The following KLHL28 variants were observed in gnomAD, a reference collection of about 807,000 sequenced individuals.
KLHL28 encodes kelch-like protein 28.
A neutral mutation model predicts 48.3 loss-of-function variants in KLHL28; 22 were observed. That is an observed-to-expected ratio of 0.46 (90% CI 0.33 to 0.65). The LOEUF is 0.65. Ranked by LOEUF, KLHL28 falls within the 30% of genes least tolerant of loss-of-function variation. KLHL28 has a pLI of 0.03. For missense variants in KLHL28, 527 were observed against 704.3 expected, an observed-to-expected ratio of 0.75 and a Z score of 2.85; for synonymous variants, 243 against 242.4, an observed-to-expected ratio of 1.00 and a Z score of -0.02.
intron 2 of KLHL28, among the ~76,000 whole-genome samples, chr14:44,936,034 CTATT>C (rs556792002): frequency 1.9e-4 from 28 of 151,114 alleles, no homozygotes; most frequent in South Asian, 2.1e-4. Flanking sequence ...TACAGAATTC[CTATT>C]TAAAGTCAGT....
At position 44,925,878 on chromosome 14, in the gene KLHL28, ATTAAG is replaced by A. The variant is rs1332699879; in HGVS notation, c.*3145_*3149del. On this transcript the variant is annotated 3_prime_UTR_variant, in exon 5 of 5. Transcript: ENST00000396128. ...TTGAATAGCCAAAGGTGCCTAACAGATTAAGTTGTTATAATTATAGAAGGCAAGTA... is the reference window on the plus strand; with the variant it reads ...TTGAATAGCCAAAGGTGCCTAACAGATTGTTATAATTATAGAAGGCAAGTA... The A allele has an allele frequency of 6.6e-6, 1 of 152,216 alleles. No individual in the cohort carries two copies. The highest frequency in any genetic ancestry group is 1.5e-5 in the Non-Finnish European group (1 of 68,012). The allele number at this position is 152,216 out of a possible 1,614,324, so 9.4% of individuals were successfully genotyped here. A position where few individuals can be genotyped will look rare whatever the true frequency, so the allele number is the denominator to read the frequency against.
chr14:44,954,980 G>T (rs549388938), intron 1 of KLHL28, among the ~76,000 whole-genome samples: 1 of 151,986 alleles, frequency 6.6e-6, no homozygotes, highest in Admixed American at 6.6e-5. Context: ...TTCAGTAATC[G>T]CATTGTTGAT....
At chr14:44,931,731 T>C (rs1883597235) in intron 3 of KLHL28, among the ~76,000 whole-genome samples, 190 bp from the exon 4 acceptor site, 1 of 152,198 alleles carries the variant, frequency 6.6e-6, no homozygotes, top group Admixed American at 6.5e-5. Context: ...GTAAACAAGG[T>C]GCAATTCCAT....
chr14:44,929,703 G>A (rs1883503244), intron 4 of KLHL28, among the ~76,000 whole-genome samples: 1 of 152,166 alleles, frequency 6.6e-6, no homozygotes, highest in African/African-American at 2.4e-5. Context: ...TATAATAAAA[G>A]TAAGAGTTAC....
chr14:44,936,015 C>T (rs1280998274), intron 2 of KLHL28, among the ~76,000 whole-genome samples: 1 of 150,666 alleles, frequency 6.6e-6, no homozygotes, highest in Non-Finnish European at 1.5e-5. Flanking sequence ...TATTCATTCA[C>T]TCAATAGTTA....
chr14:44,928,616 A>G lies in KLHL28; in HGVS notation c.*412T>C, dbSNP rs1360014289. 1 of 152,954 alleles carries G rather than the reference A, an allele frequency of 6.5e-6. No homozygotes were observed. Among genetic ancestry groups the G allele is most frequent in the Non-Finnish European group, 1.5e-5 (1 of 68,754 alleles). The allele number at this position is 152,954 out of a possible 1,614,324, so 9.5% of individuals were successfully genotyped here. A position where few individuals can be genotyped will look rare whatever the true frequency, so the allele number is the denominator to read the frequency against. ...TATCAGCACTCTGTCCATTCATTCA[A>G]TACACTCCAGCACCTAAAGCATCGC... On this transcript the variant is annotated 3_prime_UTR_variant, in exon 5 of 5. Transcript: ENST00000396128.
At chr14:44,955,127 C>T (rs1884738631) in intron 1 of KLHL28, among the ~76,000 whole-genome samples, 2 of 151,382 alleles carry the variant, frequency 1.3e-5, no homozygotes, top group African/African-American at 2.4e-5. Context: ...AAGAAGGTAA[C>T]GACATAACAC....
In KLHL28 at chr14:44,945,093, C is replaced by A; in HGVS notation, c.836G>T (p.Arg279Leu). 1 of 1,614,026 alleles carries A rather than the reference C, an allele frequency of 6.2e-7. No individual in the cohort carries two copies. Among genetic ancestry groups the A allele is most frequent in the Non-Finnish European group, 8.5e-7 (1 of 1,179,930 alleles). The change falls in exon 2 of 5, where the codon CGC (arginine) becomes CTC (leucine). Residue 279 changes from arginine (R) to leucine (L), a missense_variant. Coordinates refer to ENST00000396128, the MANE Select transcript of KLHL28 (RefSeq NM_017658.5). ...SHQTVLMTRP[R>L]CAPKVLCAVG... ...TGCACAAAGTACTTTGGGAGCACAG[C>A]GAGGTCGTGTCATCAAGACTGTCTG...
At position 44,934,654 on chromosome 14, in the gene KLHL28, T is replaced by C. The variant is rs73334123; in HGVS notation, c.900-96A>G. 9.2e-4 allele frequency: 849 copies of C among 921,714 alleles called. 7 individuals carry two copies. In the African/African-American group the frequency reaches 9.7e-3, roughly 10 times the overall value. The allele number at this position is 921,714 out of a possible 1,614,324, so 57.1% of individuals were successfully genotyped here. A position where few individuals can be genotyped will look rare whatever the true frequency, so the allele number is the denominator to read the frequency against. ...TTATTAGTAATCAGGGACACAAAAA[T>C]TAAAAGCACAATAAACCATGACACA... On this transcript the variant is annotated intron_variant, in intron 2 of 4. Coordinates refer to ENST00000396128, the MANE Select transcript of KLHL28 (RefSeq NM_017658.5).
rs1308472548 is a variant in KLHL28 at position 44,941,500 on chromosome 14, A to C, written c.899+3530T>G. On this transcript the variant is annotated intron_variant, in intron 2 of 4. Transcript: ENST00000396128. ...AAAATTAGCTGGGCGTGGTGGTGCA[A>C]GCCTGTAATCCCAGCTACTCGGGAG... Among the ~76,000 whole-genome samples, 4 of 151,318 alleles carry C rather than the reference A, an allele frequency of 2.6e-5. No homozygotes were observed. In the East Asian group the frequency reaches 7.9e-4, roughly 30 times the overall value.
intron 1 of KLHL28, among the ~76,000 whole-genome samples, chr14:44,953,289 C>A (rs1166959719): frequency 6.6e-6 from 1 of 152,092 alleles, no homozygotes. Context: ...CCTACACCAA[C>A]AGGATAAATT....
chr14:44,950,866 T>G (rs1055180780), intron 1 of KLHL28, among the ~76,000 whole-genome samples: 10 of 152,150 alleles, frequency 6.6e-5, no homozygotes, highest in Non-Finnish European at 1.3e-4. Context: ...TGCCTTTCCA[T>G]GCATACCAAA....
chr14:44,952,010 C>A (rs1435188890), intron 1 of KLHL28, among the ~76,000 whole-genome samples: 2 of 152,104 alleles, frequency 1.3e-5, no homozygotes, highest in African/African-American at 4.8e-5. Context: ...AGGCACACAT[C>A]ACCACGCCCG....
intron 1 of KLHL28, among the ~76,000 whole-genome samples, chr14:44,947,124 G>A (rs1006708726): frequency 6.6e-6 from 1 of 152,156 alleles, no homozygotes; most frequent in African/African-American, 2.4e-5. Context: ...CAAGATCCTG[G>A]ATTATCCAAG....
chr14:44,937,663 TATAAC>T (rs1883882955), intron 2 of KLHL28, among the ~76,000 whole-genome samples: 1 of 152,198 alleles, frequency 6.6e-6, no homozygotes. Flanking sequence ...TTTCTGCCGA[TATAAC>T]AGAATACTAC....
At chr14:44,929,264 T>C in intron 4 of KLHL28, 73 bp from the exon 5 acceptor site, 1 of 1,283,340 alleles carries the variant, frequency 7.8e-7, no homozygotes, top group Non-Finnish European at 1.1e-6. Flanking sequence ...TAAAAATAAA[T>C]TTGTATTTTA....
chr14:44,950,988 G>A (rs570946800), intron 1 of KLHL28, among the ~76,000 whole-genome samples: 1 of 152,256 alleles, frequency 6.6e-6, no homozygotes, highest in South Asian at 2.1e-4. Flanking sequence ...AAATATAGAT[G>A]GCTTATTAGA....
In KLHL28 at chr14:44,934,459, T is replaced by C. The variant is rs147583402; in HGVS notation, c.999A>G (p.Val333=). The change falls in exon 3 of 5, where the codon GTA becomes GTG. Residue 333 remains valine (V), a synonymous_variant. Transcript: ENST00000396128. The part of the protein sequence containing the change: ...EFGICVLDQK[V]YVIGGIATNV... Reference sequence around the variant, plus strand: ...TAGTTGCAATACCACCTATAACATATACTTTTTGGTCTAAAACGCATATTC... The same window carrying C: ...TAGTTGCAATACCACCTATAACATACACTTTTTGGTCTAAAACGCATATTC... The C allele has an allele frequency of 1.2e-4, 189 of 1,614,012 alleles. No homozygotes were observed. The highest frequency in any genetic ancestry group is 1.5e-4 in the Non-Finnish European group (178 of 1,180,002).
In KLHL28 at chr14:44,928,934, G is replaced by C. The variant is rs1010925340; in HGVS notation, c.*94C>G. 41 of 1,117,284 alleles carry C rather than the reference G, an allele frequency of 3.7e-5. No homozygotes were observed. In the African/African-American group the frequency reaches 6.1e-4, roughly 17 times the overall value. 69.2% of individuals were successfully genotyped at this position (1,117,284 alleles called of 1,614,324 possible). ...CATGCTACTTCAAGTTAAAAAGAAA[G>C]CAATGCAGCTTGTGGGTTTCAGAAA... On this transcript the variant is annotated 3_prime_UTR_variant, in exon 5 of 5. Coordinates refer to ENST00000396128, the MANE Select transcript of KLHL28 (RefSeq NM_017658.5).
Sources: gnomAD v4.1 joint callset for allele counts (sites outside exome capture counted in the v4.1 genomes callset) on GRCh38, gnomAD v4.1.1 for gene constraint, MANE v1.5 for transcripts, NCBI Gene and HGNC (gene_info 2026-07-23, HGNC 2026-07-21) for gene names.